SYNE2: variants seen among roughly 807,000 people sequenced by gnomAD.
The protein encoded by SYNE2 is nesprin-2.
Under a neutral mutation model 856.3 loss-of-function variants are expected in SYNE2, and 431 were observed. The ratio of observed to expected loss-of-function variants is 0.50; its 90% confidence interval spans 0.47 to 0.55. The LOEUF is 0.55. Ranked by LOEUF, SYNE2 falls within the 20% of genes least tolerant of loss-of-function variation. SYNE2 has a pLI of 0.00. For synonymous variants in SYNE2, 2,923 were observed against 2,872.3 expected, an observed-to-expected ratio of 1.02 and a Z score of -0.56; for missense variants, 8,129 against 8,023.2, an observed-to-expected ratio of 1.01 and a Z score of -0.50.
At chr14:64,086,021 A>G (rs563515673) in intron 57 of SYNE2, among the ~76,000 whole-genome samples, 4 of 152,164 alleles carry the variant, frequency 2.6e-5, no homozygotes, top group East Asian at 3.8e-4. Flanking sequence ...ATGAGGTCCA[A>G]TGTATCAATA....
At position 63,853,042 on chromosome 14, in the gene SYNE2, A is replaced by G. The variant is rs1276016972; in HGVS notation, c.-153A>G. 2.6e-5 allele frequency: 4 copies of G among 151,692 alleles called. No individual in the cohort carries two copies. Among genetic ancestry groups the G allele is most frequent in the African/African-American group, 4.8e-5 (2 of 41,460 alleles). 9.4% of individuals were successfully genotyped at this position (151,692 alleles called of 1,614,324 possible). A position where few individuals can be genotyped will look rare whatever the true frequency, so the allele number is the denominator to read the frequency against. ...GCCTTCGGCCGGACCTGAAAAAGCG[A>G]GAGGGAGAGCGAGCAAAAGGCGCGA... On this transcript the variant is annotated 5_prime_UTR_variant, in exon 1 of 116. Coordinates refer to ENST00000555002, the MANE Select transcript of SYNE2 (RefSeq NM_182914.3).
intron 70 of SYNE2, among the ~76,000 whole-genome samples, chr14:64,124,573 C>G (rs912815682): frequency 6.6e-6 from 1 of 152,056 alleles, no homozygotes; most frequent in African/African-American, 2.4e-5. Flanking sequence ...CTAAATATAA[C>G]TAGTCATGAC....
intron 1 of SYNE2, among the ~76,000 whole-genome samples, chr14:63,810,366 A>G (rs1464608505): frequency 6.6e-6 from 1 of 152,230 alleles, no homozygotes; most frequent in African/African-American, 2.4e-5. Flanking sequence ...AAAAATGTAT[A>G]AAGTTTGGTT....
At chr14:64,130,409 C>T (rs1021785847) in intron 76 of SYNE2, among the ~76,000 whole-genome samples, 161 bp downstream of exon 76, 3 of 152,098 alleles carry the variant, frequency 2.0e-5, no homozygotes, top group African/African-American at 7.2e-5. Flanking sequence ...ACCAGGAACC[C>T]TGGTACATGC....
chr14:64,104,135 C>A (rs1394165333), intron 64 of SYNE2, among the ~76,000 whole-genome samples: 1 of 152,184 alleles, frequency 6.6e-6, no homozygotes, highest in East Asian at 1.9e-4. Flanking sequence ...GAAGGTCTTT[C>A]CTTGGTGTTC....
At chr14:63,948,994 G>C (rs564403036) in intron 6 of SYNE2, among the ~76,000 whole-genome samples, 3 of 151,638 alleles carry the variant, frequency 2.0e-5, no homozygotes, top group Non-Finnish European at 4.4e-5. Flanking sequence ...GTACGCTCGT[G>C]AAAGGAATGT....
chr14:63,787,278 A>G (rs1887568115), intron 1 of SYNE2, among the ~76,000 whole-genome samples: 1 of 152,072 alleles, frequency 6.6e-6, no homozygotes, highest in African/African-American at 2.4e-5. Flanking sequence ...TGAAATCTAG[A>G]TCTTATTCCT....
chr14:63,812,752 C>A (rs868709465), intron 1 of SYNE2, among the ~76,000 whole-genome samples: 6 of 152,268 alleles, frequency 3.9e-5, no homozygotes, highest in Non-Finnish European at 5.9e-5. Context: ...TCCCTGACTT[C>A]CTGCAACAGT....
At chr14:64,223,822 T>A (rs1331747476) in intron 113 of SYNE2, among the ~76,000 whole-genome samples, 1 of 152,186 alleles carries the variant, frequency 6.6e-6, no homozygotes, top group Admixed American at 6.5e-5. Context: ...AGGGCAGGTC[T>A]GTTTTCTCCT....
intron 1 of SYNE2, among the ~76,000 whole-genome samples, chr14:63,893,510 G>A (rs1342777548): frequency 6.6e-6 from 1 of 152,128 alleles, no homozygotes; most frequent in Non-Finnish European, 1.5e-5. Context: ...GCTGCAGTAA[G>A]GTAAGATCGT....
chr14:63,810,489 T>C (rs1050847127), intron 1 of SYNE2, among the ~76,000 whole-genome samples: 5 of 152,126 alleles, frequency 3.3e-5, no homozygotes, highest in Admixed American at 3.3e-4. Context: ...TACTCTAAAA[T>C]ACAAACAAAC....
At chr14:63,994,986 A>G in intron 22 of SYNE2, 58 bp from the exon 23 acceptor site, 1 of 1,149,008 alleles carries the variant, frequency 8.7e-7, no homozygotes, top group Non-Finnish European at 1.2e-6. Flanking sequence ...GTTACTATAA[A>G]TACTTTTTTG....
intron 1 of SYNE2, among the ~76,000 whole-genome samples, chr14:63,864,006 A>G (rs1189459113): frequency 6.6e-6 from 1 of 152,018 alleles, no homozygotes; most frequent in Non-Finnish European, 1.5e-5. Flanking sequence ...TATTTTTCGT[A>G]GAAACGGGGT....
intron 1 of SYNE2, among the ~76,000 whole-genome samples, chr14:63,869,430 T>C (rs555443502): frequency 8.5e-5 from 13 of 152,114 alleles, no homozygotes; most frequent in Middle Eastern, 3.4e-3. Flanking sequence ...GAGACCAGCC[T>C]GGTCAACATG....
In SYNE2 at chr14:64,158,726, C is replaced by G; in HGVS notation, c.15894C>G (p.Tyr5298Ter). Residue 5298 changes from tyrosine (Y) to a stop codon, truncating the protein, a stop_gained, in exon 86 of 116, where the codon TAC (tyrosine) becomes TAG (stop). Coordinates refer to ENST00000555002, the MANE Select transcript of SYNE2 (RefSeq NM_182914.3). LOFTEE classifies it high-confidence loss of function. The part of the protein sequence containing the change: ...EVNMMTIRFW[Y>*]CMEHSKPVVL... ...ATATGATGACAATCCGATTCTGGTA[C>G]TGCATGGAACACAGCAAGCCTGTGG... is the stretch of plus-strand genomic sequence containing the variant. 6.2e-7 allele frequency: 1 copy of G among 1,613,986 alleles called. No individual in the cohort carries two copies. Among genetic ancestry groups the G allele is most frequent in the South Asian group, 1.1e-5 (1 of 91,076 alleles).
intron 12 of SYNE2, among the ~76,000 whole-genome samples, chr14:63,977,353 C>T (rs2096552152): frequency 6.6e-6 from 1 of 152,042 alleles, no homozygotes; most frequent in Admixed American, 6.6e-5. Flanking sequence ...GCTGGGACTA[C>T]AGGTGCCCAC....
Position 63,990,930 on chromosome 14 carries a change from T to C in SYNE2, c.2473-12T>C, listed in dbSNP as rs2096662089. 1 of 1,613,746 alleles carries C rather than the reference T, an allele frequency of 6.2e-7. No homozygotes were observed. The highest frequency in any genetic ancestry group is 8.5e-7 in the Non-Finnish European group (1 of 1,179,682). On this transcript the variant is annotated splice_polypyrimidine_tract_variant and intron_variant, in intron 20 of 115. Coordinates refer to ENST00000555002, the MANE Select transcript of SYNE2 (RefSeq NM_182914.3). ...GTCCCCGTGTTAATTTGAGAATTTTTTTGTCTTCAAGATCAATGTGGTAAA... is the reference window on the plus strand; with the variant it reads ...GTCCCCGTGTTAATTTGAGAATTTTCTTGTCTTCAAGATCAATGTGGTAAA...
intron 32 of SYNE2, 49 bp downstream of exon 32, chr14:64,010,165 G>A (rs1252617033): frequency 8.3e-6 from 13 of 1,559,650 alleles, no homozygotes; most frequent in Admixed American, 1.8e-5. Flanking sequence ...CTCACTGACA[G>A]GCCTGGTAGT....
At chr14:63,965,756 T>G (rs1253269651) in intron 10 of SYNE2, among the ~76,000 whole-genome samples, 1 of 152,238 alleles carries the variant, frequency 6.6e-6, no homozygotes, top group Non-Finnish European at 1.5e-5. Context: ...CTTTCCTTTT[T>G]TGCTTTGGAA....
Sources: allele counts gnomAD v4.1 joint callset (sites outside exome capture counted in the v4.1 genomes callset), GRCh38; gene constraint gnomAD v4.1.1; transcripts MANE v1.5; gene names NCBI Gene and HGNC (gene_info 2026-07-23, HGNC 2026-07-21).